SSR3: variants seen among roughly 807,000 people sequenced by gnomAD.
The protein encoded by SSR3 is translocon-associated protein subunit gamma.
Under a neutral mutation model 22.1 loss-of-function variants are expected in SSR3, and 10 were observed. The ratio of observed to expected loss-of-function variants is 0.45; its 90% CI spans 0.28 to 0.77. The LOEUF (loss-of-function observed/expected upper bound fraction) is 0.77, where lower values mean the gene tolerates loss of function less well. Among genes scored for constraint, SSR3 ranks in the 30% least tolerant of loss-of-function variants. The probability of loss-of-function intolerance (pLI) is 0.13; values close to 1 mark genes in which losing one functional copy is unlikely to be tolerated. For missense variants in SSR3, 181 were observed against 220.5 expected, an observed-to-expected ratio of 0.82 and a Z score of 1.13; for synonymous variants, 104 against 82.5, an observed-to-expected ratio of 1.26 and a Z score of -1.42.
chr3:156,546,986 TCTC>T (rs1719789229), intron 3 of SSR3, among the ~76,000 whole-genome samples: 1 of 152,126 alleles, frequency 6.6e-6, no homozygotes, highest in Non-Finnish European at 1.5e-5. Context: ...TTACATCAAA[TCTC>T]CTGGAATTCT....
At chr3:156,552,729 T>C (rs1215506380) in intron 2 of SSR3, among the ~76,000 whole-genome samples, 1 of 152,198 alleles carries the variant, frequency 6.6e-6, no homozygotes, top group African/African-American at 2.4e-5. Context: ...ACAGTGTACA[T>C]GAAAGCAACA....
rs1341712636 is a variant in SSR3, at chr3:156,540,988, G to A, written c.*2215C>T. On this transcript the variant is annotated 3_prime_UTR_variant, in exon 5 of 5. Transcript: ENST00000265044. Reference sequence around the variant, plus strand: ...GTGAGTATATGCTTTATAATCTTATGCACAGAAATGTATCTATTAGTACAG... The same window carrying A: ...GTGAGTATATGCTTTATAATCTTATACACAGAAATGTATCTATTAGTACAG... 1.3e-5 allele frequency: 2 copies of A among 152,164 alleles called. No individual in the cohort carries two copies. The highest frequency in any genetic ancestry group is 4.8e-5 in the African/African-American group (2 of 41,434). 9.4% of individuals were successfully genotyped at this position (152,164 alleles called of 1,614,324 possible). A position where few individuals can be genotyped will look rare whatever the true frequency, so the allele number is the denominator to read the frequency against.
At position 156,555,041 on chromosome 3, in the gene SSR3, G is replaced by A. The variant is rs765296414; in HGVS notation, c.49C>T (p.Leu17=). The part of the protein sequence containing the change: ...SKQQSEEDLL[L]QDFSRNLSAK... ...GAGAGATTGCGGCTGAAATCCTGCA[G>A]GAGCAGGTCCTCCTCAGACTGCTGT... The change falls in exon 1 of 5, where the codon CTG becomes TTG. Residue 17 remains leucine, a synonymous_variant. Coordinates refer to ENST00000265044, the MANE Select transcript of SSR3 (RefSeq NM_007107.5). 14 of 1,613,916 alleles carry A rather than the reference G, an allele frequency of 8.7e-6. No homozygotes were observed. Among genetic ancestry groups the A allele is most frequent in the South Asian group, 1.1e-5 (1 of 91,094 alleles).
At chr3:156,553,620 T>C (rs1720041436) in intron 2 of SSR3, 35 bp downstream of exon 2, 1 of 1,599,752 alleles carries the variant, frequency 6.3e-7, no homozygotes, top group African/African-American at 1.3e-5. Flanking sequence ...AAATATAACA[T>C]GTAGTACGTA....
Position 156,543,997 on chromosome 3 carries a change from T to C in SSR3, c.491+311A>G, listed in dbSNP as rs1719664761. The C allele has an allele frequency of 1.8e-5, 6 of 332,146 alleles. No individual in the cohort carries two copies. In the East Asian group the frequency reaches 2.8e-4, roughly 15 times the overall value. The allele number at this position is 332,146 out of a possible 1,614,324, so 20.6% of individuals were successfully genotyped here. A position where few individuals can be genotyped will look rare whatever the true frequency, so the allele number is the denominator to read the frequency against. On this transcript the variant is annotated intron_variant, in intron 4 of 4. Transcript: ENST00000265044. ...AAATAACAGGTACAGGGGCTTATTA[T>C]TTCAGAAGCTATCAAAAATGACAGG...
In SSR3 at chr3:156,543,297, A is replaced by G. The variant is rs770849930; in HGVS notation, c.492-28T>C. On this transcript the variant is annotated intron_variant, in intron 4 of 4. Coordinates refer to ENST00000265044, the MANE Select transcript of SSR3 (RefSeq NM_007107.5). ...GTAAGAAATTTAATGTTATGGAAAA[A>G]TGAGTAACTCCAAATTGGTTTTTTG... 7.5e-6 allele frequency: 12 copies of G among 1,590,486 alleles called. 1 individual carries two copies. In the South Asian group the frequency reaches 1.2e-4, roughly 16 times the overall value.
intron 2 of SSR3, chr3:156,549,212 A>C (rs974365906): frequency 1.6e-5 from 7 of 439,144 alleles, no homozygotes; most frequent in Non-Finnish European, 2.7e-5. Context: ...GTGGTTTATT[A>C]GTGACGTGTT....
At chr3:156,544,204 C>T in intron 4 of SSR3, 104 bp downstream of exon 4, 1 of 1,058,262 alleles carries the variant, frequency 9.4e-7, no homozygotes, top group Non-Finnish European at 1.3e-6. Flanking sequence ...GGACTGACTC[C>T]CAGAGCAGTT....
rs762355856 is a variant in SSR3 at position 156,555,114 on chromosome 3, G to GA, written c.-26dup. The GA allele has an allele frequency of 2.7e-5, 43 of 1,610,142 alleles. No individual in the cohort carries two copies. The South Asian group carries it at 4.1e-4, about 15-fold the overall frequency. On this transcript the variant is annotated 5_prime_UTR_variant, in exon 1 of 5. Transcript: ENST00000265044. ...TGGCGGAGCTGCAGGCGAGAACAGG[G>GA]AACGTAGAGCCGGCCGCCAAGGCGG...
intron 2 of SSR3, chr3:156,551,636 C>T (rs1197034978): frequency 6.6e-6 from 1 of 152,268 alleles, no homozygotes; most frequent in African/African-American, 2.4e-5. Flanking sequence ...AAGGCCACTT[C>T]AGTCACTGAG....
At chr3:156,550,908 T>C (rs1012889948) in intron 2 of SSR3, among the ~76,000 whole-genome samples, 2 of 148,170 alleles carry the variant, frequency 1.3e-5, no homozygotes, top group African/African-American at 5.0e-5. Flanking sequence ...CCCCAGTTTA[T>C]AGCTGAGGAA....
At chr3:156,547,349 A>G (rs1403478878) in intron 3 of SSR3, among the ~76,000 whole-genome samples, 1 of 152,232 alleles carries the variant, frequency 6.6e-6, no homozygotes, top group African/African-American at 2.4e-5. Flanking sequence ...AATCTGCCCA[A>G]GACTGCAGTG....
Position 156,548,897 on chromosome 3 carries a change from A to G in SSR3, c.359+8T>C. 6.2e-7 allele frequency: 1 copy of G among 1,613,026 alleles called. No homozygotes were observed. Among genetic ancestry groups the G allele is most frequent in the Non-Finnish European group, 8.5e-7 (1 of 1,179,762 alleles). Reference sequence around the variant, plus strand: ...TTATGATGGCCATACTTTAAACAGGAGTCAAACCTTTCATCTTTCTCCTTC... The same window carrying G: ...TTATGATGGCCATACTTTAAACAGGGGTCAAACCTTTCATCTTTCTCCTTC... On this transcript the variant is annotated splice_region_variant and intron_variant, in intron 3 of 4. Coordinates refer to ENST00000265044, the MANE Select transcript of SSR3 (RefSeq NM_007107.5).
chr3:156,543,530 C>A (rs916186171), intron 4 of SSR3, among the ~76,000 whole-genome samples: 1 of 152,216 alleles, frequency 6.6e-6, no homozygotes, highest in Non-Finnish European at 1.5e-5. Flanking sequence ...AAAGAATAAT[C>A]TGAATTCCAT....
At chr3:156,547,558 C>G (rs1719808342) in intron 3 of SSR3, among the ~76,000 whole-genome samples, 1 of 152,144 alleles carries the variant, frequency 6.6e-6, no homozygotes, top group African/African-American at 2.4e-5. Context: ...AAAAAACAAG[C>G]AATTGGAAAG....
rs1449229009 is a variant in SSR3 at position 156,541,173 on chromosome 3, TA to T, written c.*2029del. ...GATACCCCTATTTCACCACCTCATCTAAGCTACACTGTATTATACCAAGAAT... is the reference window on the plus strand; with the variant it reads ...GATACCCCTATTTCACCACCTCATCTAGCTACACTGTATTATACCAAGAAT... On this transcript the variant is annotated 3_prime_UTR_variant, in exon 5 of 5. Transcript: ENST00000265044. 1.3e-5 allele frequency: 2 copies of T among 152,112 alleles called. No individual in the cohort carries two copies. The highest frequency in any genetic ancestry group is 2.9e-5 in the Non-Finnish European group (2 of 68,002). 9.4% of individuals were successfully genotyped at this position (152,112 alleles called of 1,614,324 possible).
At chr3:156,545,116 C>T (rs1719715585) in intron 3 of SSR3, among the ~76,000 whole-genome samples, 1 of 152,114 alleles carries the variant, frequency 6.6e-6, no homozygotes, top group African/African-American at 2.4e-5. Context: ...TTATAGGATG[C>T]CTGTGAATAA....
Position 156,555,099 on chromosome 3 carries a change from G to A in SSR3, c.-10C>T, listed in dbSNP as rs762545917. ...TGCCTTTAGGAGCCATGGCGGAGCTGCAGGCGAGAACAGGGAACGTAGAGC... is the reference window on the plus strand; with the variant it reads ...TGCCTTTAGGAGCCATGGCGGAGCTACAGGCGAGAACAGGGAACGTAGAGC... On this transcript the variant is annotated 5_prime_UTR_variant, in exon 1 of 5. Transcript: ENST00000265044. The A allele has an allele frequency of 3.0e-5, 48 of 1,612,484 alleles. No homozygotes were observed. The highest frequency in any genetic ancestry group is 3.6e-5 in the Non-Finnish European group (43 of 1,179,750).
At chr3:156,553,457 C>T (rs1374552904) in intron 2 of SSR3, among the ~76,000 whole-genome samples, 198 bp downstream of exon 2, 1 of 152,068 alleles carries the variant, frequency 6.6e-6, no homozygotes, top group Admixed American at 6.6e-5. Flanking sequence ...CTTCTGTAGC[C>T]GTGTCAGAAT....
Sources: allele counts gnomAD v4.1 joint callset (sites outside exome capture counted in the v4.1 genomes callset), GRCh38; gene constraint gnomAD v4.1.1; transcripts MANE v1.5; gene names NCBI Gene and HGNC (gene_info 2026-07-23, HGNC 2026-07-21).